Variants in ZNF20 observed in about 807,000 individuals in gnomAD.
ZNF20 encodes the protein zinc finger protein KOX13.
A neutral mutation model predicts 11.0 loss-of-function variants in ZNF20; 9 were observed. The observed-to-expected ratio is 0.82, with a 90% CI of 0.49 to 1.43. The LOEUF (loss-of-function observed/expected upper bound fraction) is 1.43. Among genes scored for constraint, ZNF20 ranks in the 40% most tolerant of loss-of-function variants. ZNF20 has a pLI of 0.00. For missense variants in ZNF20, 528 were observed against 640.8 expected (o/e 0.82, Z 1.90); for synonymous variants, 182 against 213.0 (o/e 0.85, Z 1.27).
rs1465107483 is a variant in ZNF20, at chr19:12,140,257, A to AGCAG, written c.-76_-75insCTGC. 1 of 1,566,854 alleles carries AGCAG rather than the reference A, an allele frequency of 6.4e-7. No individual in the cohort carries two copies. The highest frequency in any genetic ancestry group is 1.2e-5 in the South Asian group (1 of 85,838). ...GTGCGGGTCACGGTGCAGGCGGCAGAGCGACAGAAGTTGTGGCAGAGGGAC... is the reference window on the plus strand; with the variant it reads ...GTGCGGGTCACGGTGCAGGCGGCAGAGCAGGCGACAGAAGTTGTGGCAGAGGGAC... On this transcript the variant is annotated 5_prime_UTR_variant, in exon 1 of 4. An upstream open reading frame in the 5' UTR loses its in-frame stop. Transcript: ENST00000334213.
chr19:12,134,655 A>G (rs1181799484), intron 3 of ZNF20, among the ~76,000 whole-genome samples: 1 of 152,190 alleles, frequency 6.6e-6, no homozygotes, highest in Non-Finnish European at 1.5e-5. Context: ...AAAAAGAAGA[A>G]AAAAACATGA....
chr19:12,136,010 A>C, intron 1 of ZNF20, 106 bp from the exon 2 acceptor site: 1 of 1,414,860 alleles, frequency 7.1e-7, no homozygotes, highest in Non-Finnish European at 9.5e-7. Flanking sequence ...TTATCCCATG[A>C]CTTGGTCATC....
At position 12,133,531 on chromosome 19, in the gene ZNF20, G is replaced by A. The variant is rs777207590; in HGVS notation, c.655C>T (p.Arg219Ter). 24 of 1,614,006 alleles carry A rather than the reference G, an allele frequency of 1.5e-5. No homozygotes were observed. The highest frequency in any genetic ancestry group is 3.3e-5 in the South Asian group (3 of 91,088). ...YFLNLCLIHE[R>*]IHTGVKPYKC... ...TATGGTTTCACACCAGTGTGAATTC[G>A]TTCATGGATAAGACATAAATTGAGA... The change falls in exon 4 of 4, where the codon CGA becomes TGA. Residue 219 changes from arginine (R) to a stop codon, truncating the protein, a stop_gained. Transcript: ENST00000334213. LOFTEE classifies it low-confidence loss of function (END_TRUNC).
intron 1 of ZNF20, 133 bp downstream of exon 1, chr19:12,140,047 C>G (rs934419839): frequency 2.5e-6 from 3 of 1,212,620 alleles, no homozygotes; most frequent in Admixed American, 2.4e-5. Flanking sequence ...GACGCAGGGA[C>G]GAGCTGAGAC....
Position 12,139,848 on chromosome 19 carries a change from A to G in ZNF20, c.3+332T>C, listed in dbSNP as rs564763491. Among the ~76,000 whole-genome samples the G allele has an allele frequency of 6.6e-6, 1 of 152,216 alleles. No individual in the cohort carries two copies. The highest frequency in any genetic ancestry group is 2.1e-4 in the South Asian group (1 of 4,826). ...CCCGGCCCAAACTCTTTAACAGAAA[A>G]AAAAATCCGCAGGATTCCCCCATGA... On this transcript the variant is annotated intron_variant, in intron 1 of 3. Transcript: ENST00000334213. The surrounding 1 kb of genome is among the most constrained non-coding windows in gnomAD (Gnocchi z 4.0).
chr19:12,138,540 TG>T (rs1324703994), intron 1 of ZNF20, among the ~76,000 whole-genome samples: 1 of 151,914 alleles, frequency 6.6e-6, no homozygotes, highest in African/African-American at 2.4e-5. Context: ...GGTTTTTCAC[TG>T]GAGTATCAAG....
In ZNF20 at chr19:12,135,801, A is replaced by G; in HGVS notation, c.107T>C (p.Met36Thr). Residue 36 changes from methionine to threonine, a missense_variant, in exon 2 of 4, where the codon ATG becomes ACG. Coordinates refer to ENST00000334213, the MANE Select transcript of ZNF20 (RefSeq NM_021143.4). The stretch of plus-strand genomic sequence containing the variant: ...GGTCAGGTTCTTGAAGGTTTCCTGC[A>G]TCACATCCCTGTAGAGATTCTTCTG... Reference protein sequence around the residue: ...PSQKNLYRDVMQETFKNLTSV... With the variant: ...PSQKNLYRDVTQETFKNLTSV... The G allele has an allele frequency of 1.2e-6, 2 of 1,614,082 alleles. No individual in the cohort carries two copies. The highest frequency in any genetic ancestry group is 2.2e-5 in the South Asian group (2 of 91,068).
At chr19:12,138,708 A>C (rs1976751590) in intron 1 of ZNF20, among the ~76,000 whole-genome samples, 1 of 151,434 alleles carries the variant, frequency 6.6e-6, no homozygotes, top group Non-Finnish European at 1.5e-5. Flanking sequence ...AAGAAAGTTG[A>C]TACAGGAGGC....
chr19:12,135,967 A>G, intron 1 of ZNF20, 63 bp from the exon 2 acceptor site: 1 of 1,577,312 alleles, frequency 6.3e-7, no homozygotes, highest in South Asian at 1.2e-5. Flanking sequence ...TTTATTCCTA[A>G]GAAGTTCTCA....
At chr19:12,134,613 C>T (rs1487789396) in intron 3 of ZNF20, among the ~76,000 whole-genome samples, 4 of 151,680 alleles carry the variant, frequency 2.6e-5, no homozygotes, top group Non-Finnish European at 2.9e-5. Flanking sequence ...ACTCCACTCC[C>T]GCCTGGGTGA....
At chr19:12,136,751 G>C in intron 1 of ZNF20, 1 of 338,662 alleles carries the variant, frequency 3.0e-6, no homozygotes, top group Non-Finnish European at 5.8e-6. Flanking sequence ...GGTATTAACA[G>C]ATGGAAAGAT....
intron 2 of ZNF20, 25 bp downstream of exon 2, chr19:12,135,744 T>C: frequency 3.1e-6 from 5 of 1,611,362 alleles, no homozygotes; most frequent in Non-Finnish European, 2.5e-6. Flanking sequence ...TCTAATTCAC[T>C]GGGAAGTAAT....
At position 12,134,478 on chromosome 19, in the gene ZNF20, A is replaced by G. The variant is rs537773648; in HGVS notation, c.201-493T>C. On this transcript the variant is annotated intron_variant, in intron 3 of 3. Transcript: ENST00000334213. The stretch of plus-strand genomic sequence containing the variant: ...GCCAACATGGCGAAACCCTGTCTCT[A>G]CTAAAAATACAAAAATTGGCTAGGT... 3.9e-5 allele frequency among the ~76,000 whole-genome samples: 6 copies of G among 152,298 alleles called. No homozygotes were observed. The South Asian group carries it at 1.2e-3, about 32-fold the overall frequency.
chr19:12,136,606 G>C (rs1976715538), intron 1 of ZNF20, among the ~76,000 whole-genome samples: 1 of 151,888 alleles, frequency 6.6e-6, no homozygotes, highest in South Asian at 2.1e-4. Flanking sequence ...AGAATCACTT[G>C]AACCCGGGAG....
rs368576817 is a variant in ZNF20, at chr19:12,135,519, T to C, written c.181A>G (p.Asn61Asp). 2.5e-6 allele frequency: 4 copies of C among 1,613,638 alleles called. No individual in the cohort carries two copies. The African/African-American group carries it at 5.3e-5, about 22-fold the overall frequency. ...KVQNIEDEYK[N>D]PRRNLSLMRE... Reference sequence around the variant, plus strand: ...AATTACCTTAGATTTCTCCTGGGATTTTTGTACTCATCTTCAATGTTCTGA... The same window carrying C: ...AATTACCTTAGATTTCTCCTGGGATCTTTGTACTCATCTTCAATGTTCTGA... Residue 61 changes from asparagine to aspartate, a missense_variant, in exon 3 of 4, where the codon AAT becomes GAT. By Grantham distance (23) the Asn-to-Asp change is conservative. Coordinates refer to ENST00000334213, the MANE Select transcript of ZNF20 (RefSeq NM_021143.4).
At chr19:12,136,792 T>C (rs558359331) in intron 1 of ZNF20, 4 of 405,788 alleles carry the variant, frequency 9.9e-6, no homozygotes, top group South Asian at 7.2e-5. Flanking sequence ...ATTCTGAAAA[T>C]AGTGAAACCA....
Position 12,136,065 on chromosome 19 carries a change from A to T in ZNF20, c.4-161T>A. On this transcript the variant is annotated intron_variant, in intron 1 of 3. Coordinates refer to ENST00000334213, the MANE Select transcript of ZNF20 (RefSeq NM_021143.4). ...TATACTCACGTCCTCCCACAAACCAACCCTTTTTTTGTTAAGAGAGAGGGT... is the reference window on the plus strand; with the variant it reads ...TATACTCACGTCCTCCCACAAACCATCCCTTTTTTTGTTAAGAGAGAGGGT... 6 of 904,340 alleles carry T rather than the reference A, an allele frequency of 6.6e-6. No homozygotes were observed. In the South Asian group the frequency reaches 6.9e-5, roughly 10 times the overall value. 56.0% of individuals were successfully genotyped at this position (904,340 alleles called of 1,614,324 possible). A position where few individuals can be genotyped will look rare whatever the true frequency, so the allele number is the denominator to read the frequency against.
At position 12,135,857 on chromosome 19, in the gene ZNF20, G is replaced by A. The variant is rs1001950425; in HGVS notation, c.51C>T (p.Thr17=). The A allele has an allele frequency of 5.6e-6, 9 of 1,614,094 alleles. No individual in the cohort carries two copies. Among genetic ancestry groups the A allele is most frequent in the Non-Finnish European group, 7.6e-6 (9 of 1,180,016 alleles). ...GATCCAGCAAAGCCCACTCCTCCTG[G>A]GTGAAGCTGACAGCCACATCCTCAA... is the stretch of plus-strand genomic sequence containing the variant. The part of the protein sequence containing the change: ...VAFEDVAVSF[T]QEEWALLDPS... Residue 17 remains threonine, a synonymous_variant, in exon 2 of 4, where the codon ACC becomes ACT. Transcript: ENST00000334213.
chr19:12,140,072 C>G (rs1368363276), intron 1 of ZNF20, 108 bp downstream of exon 1: 23 of 1,425,660 alleles, frequency 1.6e-5, no homozygotes, highest in Non-Finnish European at 2.1e-5. Flanking sequence ...GGATTCGGGT[C>G]CCAGATCCAG....
Sources: gnomAD v4.1 joint callset for allele counts (sites outside exome capture counted in the v4.1 genomes callset) on GRCh38, gnomAD v4.1.1 for gene constraint, Gnocchi (gnomAD v3.1) non-coding constraint, MANE v1.5 for transcripts, NCBI Gene and HGNC (gene_info 2026-07-23, HGNC 2026-07-21) for gene names.